The following ITGB1 variants were observed in gnomAD, a reference collection of about 807,000 sequenced individuals.
The protein encoded by ITGB1 is integrin beta-1.
Under a neutral mutation model 86.5 loss-of-function variants are expected in ITGB1, and 24 were observed. The observed-to-expected ratio is 0.28, with a 90% confidence interval of 0.20 to 0.39. The LOEUF (loss-of-function observed/expected upper bound fraction) is 0.39. ITGB1 is among the 10% of genes least tolerant of loss of function. The pLI, the probability that ITGB1 is intolerant of heterozygous loss-of-function variation, is 1.00. For synonymous variants in ITGB1, 323 were observed against 316.8 expected, an observed-to-expected ratio of 1.02 and a Z score of -0.21; for missense variants, 556 against 946.9, an observed-to-expected ratio of 0.59 and a Z score of 5.42.
chr10:32,948,853 T>C (rs777008681), intron 1 of ITGB1, among the ~76,000 whole-genome samples: 15 of 151,852 alleles, frequency 9.9e-5, no homozygotes, highest in African/African-American at 1.5e-4. Context: ...ACAAGGTTCT[T>C]ACATCACAAG....
chr10:32,935,930 A>T (rs1593877417), intron 1 of ITGB1: 2 of 162,646 alleles, frequency 1.2e-5, no homozygotes, highest in African/African-American at 2.4e-5. Flanking sequence ...TATCTCCATT[A>T]TCTCCTGCGG....
At chr10:32,934,777 C>G (rs867493887) in intron 2 of ITGB1, among the ~76,000 whole-genome samples, 1 of 151,972 alleles carries the variant, frequency 6.6e-6, no homozygotes, top group Admixed American at 6.5e-5. Flanking sequence ...TGAAGTGGAA[C>G]CTTTGTTTAG....
chr10:32,953,456 C>T (rs955608198), intron 1 of ITGB1: 1 of 151,900 alleles, frequency 6.6e-6, no homozygotes, highest in Non-Finnish European at 1.5e-5. Context: ...CATCCTGATG[C>T]AGAGCTGACA....
At chr10:32,935,176 CT>C (rs2094997212) in intron 2 of ITGB1, among the ~76,000 whole-genome samples, 1 of 152,166 alleles carries the variant, frequency 6.6e-6, no homozygotes, top group African/African-American at 2.4e-5. Context: ...ATTTCATTTG[CT>C]TCTAAATATA....
At chr10:32,933,327 T>C (rs1487604738) in intron 2 of ITGB1, 1 of 152,206 alleles carries the variant, frequency 6.6e-6, no homozygotes, top group Admixed American at 6.5e-5. Context: ...TTATTTCTTG[T>C]CATTTAACTC....
chr10:32,920,832 A>AAG (rs2094947109), intron 9 of ITGB1, among the ~76,000 whole-genome samples: 1 of 149,802 alleles, frequency 6.7e-6, no homozygotes, highest in Admixed American at 6.7e-5. Context: ...AAAAAAAAAA[A>AAG]TTTATCCAAG....
intron 3 of ITGB1, among the ~76,000 whole-genome samples, chr10:32,932,049 C>G (rs1385562594): frequency 6.6e-6 from 1 of 151,924 alleles, no homozygotes; most frequent in African/African-American, 2.4e-5. Flanking sequence ...TTTATACCTC[C>G]CCATCAAAAA....
chr10:32,950,285 T>TCCCA (rs1026744537), intron 1 of ITGB1, among the ~76,000 whole-genome samples: 1 of 152,038 alleles, frequency 6.6e-6, no homozygotes, highest in African/African-American at 2.4e-5. Flanking sequence ...CTCCCACTTA[T>TCCCA]CCCACATAGA....
chr10:32,941,319 T>G (rs1034466847), intron 1 of ITGB1, among the ~76,000 whole-genome samples: 5 of 152,178 alleles, frequency 3.3e-5, no homozygotes, highest in African/African-American at 1.2e-4. Context: ...ACTAGAAAAA[T>G]GTATGTTTTT....
intron 11 of ITGB1, among the ~76,000 whole-genome samples, chr10:32,916,780 A>C (rs1160177298): frequency 6.6e-6 from 1 of 152,232 alleles, no homozygotes; most frequent in Non-Finnish European, 1.5e-5. Flanking sequence ...GGTAATTTAG[A>C]GATTCAATGC....
Position 32,958,184 on chromosome 10 carries a change from G to C in ITGB1, c.-40C>G, listed in dbSNP as rs897434403. The stretch of plus-strand genomic sequence containing the variant: ...GTCCGGGGCCCGGCGCGGTGGGCTC[G>C]GGCCTGCTGTTCCGCGACTCCCGCT... On this transcript the variant is annotated 5_prime_UTR_variant, in exon 1 of 16. Transcript: ENST00000302278. The C allele has an allele frequency of 2.0e-5, 3 of 151,324 alleles. No individual in the cohort carries two copies. Among genetic ancestry groups the C allele is most frequent in the African/African-American group, 4.8e-5 (2 of 41,248 alleles). The allele number at this position is 151,324 out of a possible 1,614,324, so 9.4% of individuals were successfully genotyped here. A position where few individuals can be genotyped will look rare whatever the true frequency, so the allele number is the denominator to read the frequency against.
At chr10:32,953,153 A>G (rs1472419369) in intron 1 of ITGB1, among the ~76,000 whole-genome samples, 1 of 152,218 alleles carries the variant, frequency 6.6e-6, no homozygotes, top group Non-Finnish European at 1.5e-5. Flanking sequence ...TTCCAAGCTC[A>G]GGCCTCATCT....
chr10:32,930,533 G>C (rs2094980050), intron 3 of ITGB1, among the ~76,000 whole-genome samples: 1 of 152,000 alleles, frequency 6.6e-6, no homozygotes, highest in Admixed American at 6.6e-5. Flanking sequence ...ATTAATTATT[G>C]CATTTTTTAA....
chr10:32,919,779 A>G, intron 11 of ITGB1, 106 bp downstream of exon 11: 1 of 945,434 alleles, frequency 1.1e-6, no homozygotes, highest in South Asian at 1.6e-5. Context: ...TGGAAAAAAT[A>G]ATTTGCTCCA....
intron 15 of ITGB1, among the ~76,000 whole-genome samples, chr10:32,903,431 C>G (rs926764779): frequency 8.4e-6 from 1 of 119,664 alleles, no homozygotes; most frequent in African/African-American, 2.9e-5. Flanking sequence ...AAAGGAAGAA[C>G]AGTCCTAGAG....
intron 11 of ITGB1, among the ~76,000 whole-genome samples, chr10:32,917,959 G>GAT (rs2094937188): frequency 6.6e-6 from 1 of 152,186 alleles, no homozygotes; most frequent in South Asian, 2.1e-4. Context: ...GTCCATCAAT[G>GAT]ATAGACTGGA....
chr10:32,915,343 T>C lies in ITGB1; in HGVS notation c.1470-3219A>G, dbSNP rs537531183. Among the ~76,000 whole-genome samples, 19 of 151,986 alleles carry C rather than the reference T, an allele frequency of 1.3e-4. No homozygotes were observed. In the South Asian group the frequency reaches 3.7e-3, roughly 30 times the overall value. ...AGCAGAACTGAAGGAGATAGAGACA[T>C]AAAAAGCCCTTCAAAAAATCAATGA... On this transcript the variant is annotated intron_variant, in intron 11 of 15. Transcript: ENST00000302278.
intron 1 of ITGB1, 63 bp from the exon 2 acceptor site, chr10:32,935,621 G>T (rs2094999097): frequency 1.7e-6 from 2 of 1,180,152 alleles, no homozygotes; most frequent in East Asian, 2.4e-5. Context: ...GCATTAAATA[G>T]AAAGTATTAC....
chr10:32,907,119 G>C (rs112423286), intron 15 of ITGB1: 332 of 1,345,484 alleles, frequency 2.5e-4, no homozygotes, highest in Non-Finnish European at 3.2e-4. Flanking sequence ...TTATTAATAG[G>C]ACTCTTGTAA....
Sources: gnomAD v4.1 joint callset for allele counts (sites outside exome capture counted in the v4.1 genomes callset) on GRCh38, gnomAD v4.1.1 for gene constraint, MANE v1.5 for transcripts, NCBI Gene and HGNC (gene_info 2026-07-23, HGNC 2026-07-21) for gene names.